MYO1E: variants seen among roughly 807,000 people sequenced by gnomAD.
The protein encoded by MYO1E is myosin IE.
MYO1E carries 68 observed loss-of-function variants against 151.1 expected under a neutral mutation model. That is an observed-to-expected ratio of 0.45 (90% CI 0.37 to 0.55). The LOEUF is 0.55. Among genes scored for constraint, MYO1E ranks in the 20% least tolerant of loss-of-function variants. The pLI, the probability that MYO1E is intolerant of heterozygous loss-of-function variation, is 0.00. For synonymous variants in MYO1E, 601 were observed against 501.7 expected (o/e 1.20, Z -2.64); for missense variants, 1,363 against 1,389.3 (o/e 0.98, Z 0.30).
intron 18 of MYO1E, among the ~76,000 whole-genome samples, chr15:59,185,965 T>C (rs1204675705): frequency 1.3e-5 from 2 of 152,216 alleles, no homozygotes; most frequent in Admixed American, 6.5e-5. Flanking sequence ...GAGAAAACCT[T>C]TTCTGAGCTA....
intron 1 of MYO1E, among the ~76,000 whole-genome samples, chr15:59,358,080 G>T (rs529744528): frequency 2.0e-5 from 3 of 152,232 alleles, no homozygotes; most frequent in African/African-American, 7.2e-5. Context: ...GAAGACTCTT[G>T]ACTCATAGCC....
chr15:59,140,066 T>G (rs978392484), intron 26 of MYO1E, among the ~76,000 whole-genome samples: 8 of 150,208 alleles, frequency 5.3e-5, no homozygotes, highest in Non-Finnish European at 7.4e-5. Context: ...GAATTCTCTG[T>G]TGTGTGTGTG....
chr15:59,188,334 A>G (rs1236689636), intron 17 of MYO1E, 118 bp from the exon 18 acceptor site: 1 of 788,982 alleles, frequency 1.3e-6, no homozygotes, highest in Non-Finnish European at 2.3e-6. Flanking sequence ...TCAGAAGACT[A>G]CAATTTATAG....
chr15:59,155,219 A>G (rs559417856), intron 25 of MYO1E, among the ~76,000 whole-genome samples: 111 of 152,356 alleles, frequency 7.3e-4, no homozygotes, highest in Middle Eastern at 6.8e-3. Flanking sequence ...CTTGTCCACG[A>G]TAAGGTCAGA....
intron 1 of MYO1E, among the ~76,000 whole-genome samples, chr15:59,338,747 G>T (rs2080745559): frequency 6.6e-6 from 1 of 152,178 alleles, no homozygotes; most frequent in Non-Finnish European, 1.5e-5. Flanking sequence ...GGCAAACAGT[G>T]CAAGAGAACC....
intron 2 of MYO1E, among the ~76,000 whole-genome samples, chr15:59,270,074 T>A (rs573712729): frequency 6.6e-6 from 1 of 152,254 alleles, no homozygotes; most frequent in Non-Finnish European, 1.5e-5. Flanking sequence ...GTAAGTAAGA[T>A]TTTGTCTGTC....
At chr15:59,264,474 C>T (rs1566995903) in intron 2 of MYO1E, among the ~76,000 whole-genome samples, 1 of 152,132 alleles carries the variant, frequency 6.6e-6, no homozygotes, top group Non-Finnish European at 1.5e-5. Context: ...GAAAGTCATT[C>T]AAACAAGAAT....
chr15:59,187,212 T>C (rs1173406665), intron 18 of MYO1E, among the ~76,000 whole-genome samples: 1 of 152,112 alleles, frequency 6.6e-6, no homozygotes, highest in African/African-American at 2.4e-5. Context: ...CTACAATAAA[T>C]AACAGTAAAA....
chr15:59,158,709 C>A (rs984567491), intron 24 of MYO1E, among the ~76,000 whole-genome samples: 1 of 152,194 alleles, frequency 6.6e-6, no homozygotes, highest in African/African-American at 2.4e-5. Flanking sequence ...CATTTGCATT[C>A]ATGTTCTAAA....
At chr15:59,364,485 T>A (rs2080902321) in intron 1 of MYO1E, among the ~76,000 whole-genome samples, 2 of 152,218 alleles carry the variant, frequency 1.3e-5, no homozygotes, top group Admixed American at 1.3e-4. Flanking sequence ...GTAATCCGGC[T>A]ACATGGGATT....
intron 16 of MYO1E, among the ~76,000 whole-genome samples, chr15:59,199,913 G>C (rs1777377331): frequency 6.6e-6 from 1 of 152,182 alleles, no homozygotes; most frequent in South Asian, 2.1e-4. Flanking sequence ...TTCCTACGTG[G>C]AGGCAGACAG....
chr15:59,257,755 C>T (rs73424946), intron 3 of MYO1E, among the ~76,000 whole-genome samples: 2,789 of 152,082 alleles, frequency 0.018, 53 homozygotes, highest in East Asian at 0.062. Flanking sequence ...GCAAGCTATG[C>T]CTAGGACTGG....
intron 15 of MYO1E, among the ~76,000 whole-genome samples, chr15:59,202,943 G>A (rs1366644110): frequency 2.6e-5 from 4 of 152,102 alleles, no homozygotes; most frequent in Non-Finnish European, 5.9e-5. Context: ...ATGGGGTTTC[G>A]CCATGTTTCC....
intron 1 of MYO1E, among the ~76,000 whole-genome samples, chr15:59,295,206 T>G (rs75395491): frequency 0.013 from 2,024 of 152,010 alleles, 35 homozygotes; most frequent in African/African-American, 0.046. Context: ...GAGATCAGAT[T>G]TGAGTTAGGA....
At chr15:59,303,351 C>T (rs1354799952) in intron 1 of MYO1E, among the ~76,000 whole-genome samples, 1 of 152,000 alleles carries the variant, frequency 6.6e-6, no homozygotes, top group Non-Finnish European at 1.5e-5. Flanking sequence ...GAGGTCGAGG[C>T]TGCAGTGAGA....
At chr15:59,304,728 C>T (rs2080504702) in intron 1 of MYO1E, among the ~76,000 whole-genome samples, 1 of 152,176 alleles carries the variant, frequency 6.6e-6, no homozygotes, top group African/African-American at 2.4e-5. Flanking sequence ...AATTACCCTC[C>T]CTAGTACAGA....
At chr15:59,356,969 G>A (rs1210663227) in intron 1 of MYO1E, among the ~76,000 whole-genome samples, 7 of 148,152 alleles carry the variant, frequency 4.7e-5, no homozygotes, top group African/African-American at 1.8e-4. Context: ...GCAATGGCAC[G>A]ATCTCGGCTC....
At chr15:59,214,152 A>G in intron 12 of MYO1E, 76 bp downstream of exon 12, 3 of 1,268,168 alleles carry the variant, frequency 2.4e-6, no homozygotes, top group Non-Finnish European at 3.3e-6. Flanking sequence ...ATCTATTAAC[A>G]AAAGACAGAA....
chr15:59,356,752 A>T (rs2080855166), intron 1 of MYO1E, among the ~76,000 whole-genome samples: 1 of 151,944 alleles, frequency 6.6e-6, no homozygotes, highest in Admixed American at 6.6e-5. Flanking sequence ...TATTTTCTGT[A>T]TTGGCAGGTC....
Sources: allele counts gnomAD v4.1 joint callset (sites outside exome capture counted in the v4.1 genomes callset), GRCh38; gene constraint gnomAD v4.1.1; transcripts MANE v1.5; gene names NCBI Gene and HGNC (gene_info 2026-07-23, HGNC 2026-07-21).